The following ADAP1 variants were observed in gnomAD, a reference collection of about 807,000 sequenced individuals.
ADAP1 encodes arf-GAP with dual PH domain-containing protein 1.
A neutral mutation model predicts 54.9 loss-of-function variants in ADAP1; 31 were observed. The ratio of observed to expected loss-of-function variants is 0.56; its 90% CI spans 0.42 to 0.76. The LOEUF is 0.76. Among genes scored for constraint, ADAP1 ranks in the 30% least tolerant of loss-of-function variants. ADAP1 has a pLI of 0.00. For synonymous variants in ADAP1, 313 were observed against 202.6 expected (o/e 1.55, Z -4.63); for missense variants, 535 against 512.4 (o/e 1.04, Z -0.42).
Position 926,215 on chromosome 7 carries a change from GCCCCTCCCGTT to G in ADAP1, c.305+327_305+337del, listed in dbSNP as rs1846381791. On this transcript the variant is annotated intron_variant, in intron 3 of 10. Coordinates refer to ENST00000265846, the MANE Select transcript of ADAP1 (RefSeq NM_006869.4). The surrounding 1 kb of genome is among the most constrained non-coding windows in gnomAD (Gnocchi z 4.6). ...CAGGGCAGGCCCCGAAACAACAGCC[GCCCCTCCCGTT>G]CCCCTCCCAGACCGCCAGGAGCACC... Among the ~76,000 whole-genome samples the G allele has an allele frequency of 6.6e-6, 1 of 151,662 alleles. No homozygotes were observed. Among genetic ancestry groups the G allele is most frequent in the East Asian group, 1.9e-4 (1 of 5,140 alleles).
In ADAP1 at chr7:920,243, A is replaced by C. The variant is rs1205325458; in HGVS notation, c.306-193T>G. Among the ~76,000 whole-genome samples, 1 of 151,888 alleles carries C rather than the reference A, an allele frequency of 6.6e-6. No homozygotes were observed. The highest frequency in any genetic ancestry group is 1.5e-5 in the Non-Finnish European group (1 of 67,954). On this transcript the variant is annotated intron_variant, in intron 3 of 10. Coordinates refer to ENST00000265846, the MANE Select transcript of ADAP1 (RefSeq NM_006869.4). This position sits in a 1 kb window ranked among gnomAD's most constrained non-coding sequence, Gnocchi z 4.5. ...CCTGCCCGGGACGCTTCTCACTCTGATATTAGTTTATTGGTTTCTTGTGCG... is the reference window on the plus strand; with the variant it reads ...CCTGCCCGGGACGCTTCTCACTCTGCTATTAGTTTATTGGTTTCTTGTGCG...
In ADAP1 at chr7:905,431, AGGAGAAAG is replaced by A. The variant is rs1304381755; in HGVS notation, c.389-267_389-260del. ...AGAAAGGGAGAAAGAGAAAGGAGAA[AGGAGAAAG>A]GGAGAAAGGGAGAAAGGGAAAGGAG... On this transcript the variant is annotated intron_variant, in intron 4 of 10. Transcript: ENST00000265846. 5.3e-4 allele frequency: 73 copies of A among 137,372 alleles called. 14 individuals carry two copies. The highest frequency in any genetic ancestry group is 2.0e-3 in the East Asian group (10 of 4,928). The allele number at this position is 137,372 out of a possible 1,614,324, so 8.5% of individuals were successfully genotyped here. A position where few individuals can be genotyped will look rare whatever the true frequency, so the allele number is the denominator to read the frequency against.
intron 4 of ADAP1, among the ~76,000 whole-genome samples, chr7:919,519 C>T (rs117642645): frequency 0.01 from 1,499 of 146,798 alleles, 15 homozygotes; most frequent in Non-Finnish European, 0.014. Flanking sequence ...TCTGTCCACA[C>T]GAGAGGGAGG....
intron 4 of ADAP1, among the ~76,000 whole-genome samples, chr7:919,482 G>A (rs1237360141): frequency 2.0e-5 from 3 of 151,448 alleles, no homozygotes; most frequent in African/African-American, 7.3e-5. Context: ...TCAAACTCAC[G>A]AGTGTGTTAC....
At chr7:900,484 C>T (rs1409741865) in intron 7 of ADAP1, 49 bp downstream of exon 7, 2 of 1,362,842 alleles carry the variant, frequency 1.5e-6, no homozygotes, top group Non-Finnish European at 2.1e-6. Flanking sequence ...CCACCCCCCA[C>T]CCCACCACCC....
chr7:907,686 C>T (rs1168583828), intron 4 of ADAP1, among the ~76,000 whole-genome samples: 1 of 152,208 alleles, frequency 6.6e-6, no homozygotes, highest in African/African-American at 2.4e-5. Context: ...TCTTCTATGG[C>T]CCTGGCTGTC....
rs1435019401 is a variant in ADAP1, at chr7:898,196, C to T, written c.*725G>A. ...CAGCAAGCGCGACAGTGCCCGGGAC[C>T]CCCAGGGCCACTCCTGCCTCTGGTG... On this transcript the variant is annotated 3_prime_UTR_variant, in exon 11 of 11. Transcript: ENST00000265846. 1 of 152,804 alleles carries T rather than the reference C, an allele frequency of 6.5e-6. No homozygotes were observed. The highest frequency in any genetic ancestry group is 2.4e-5 in the African/African-American group (1 of 41,470). 9.5% of individuals were successfully genotyped at this position (152,804 alleles called of 1,614,324 possible).
chr7:918,342 G>C (rs750360026), intron 4 of ADAP1, among the ~76,000 whole-genome samples: 1 of 152,142 alleles, frequency 6.6e-6, no homozygotes, highest in Non-Finnish European at 1.5e-5. Context: ...TCAGCCTCCC[G>C]AGCAGCTGGG....
intron 2 of ADAP1, among the ~76,000 whole-genome samples, chr7:934,219 G>A (rs71518354): frequency 1.7e-3 from 30 of 17,154 alleles, no homozygotes; most frequent in Non-Finnish European, 2.1e-3. Flanking sequence ...AGAGCCGGGG[G>A]CCGGGGTCAG....
At chr7:913,240 G>A (rs150861371) in intron 4 of ADAP1, among the ~76,000 whole-genome samples, 43 of 123,344 alleles carry the variant, frequency 3.5e-4, no homozygotes, top group African/African-American at 1.2e-3. Flanking sequence ...TCGCTCTGTC[G>A]CCCAGGCTGG....
chr7:954,487 G>A lies in ADAP1; in HGVS notation c.-10C>T. 9.8e-7 allele frequency: 1 copy of A among 1,023,482 alleles called. No individual in the cohort carries two copies. The highest frequency in any genetic ancestry group is 1.2e-6 in the Non-Finnish European group (1 of 856,660). The allele number at this position is 1,023,482 out of a possible 1,614,324, so 63.4% of individuals were successfully genotyped here. ...GCCGCTCCTTGGCCATGGCCGCGAT[G>A]CGCCCGCGATGCCGATGCCGGGGCC... is the stretch of plus-strand genomic sequence containing the variant. On this transcript the variant is annotated 5_prime_UTR_variant, in exon 1 of 11. Coordinates refer to ENST00000265846, the MANE Select transcript of ADAP1 (RefSeq NM_006869.4).
In ADAP1 at chr7:908,394, G is replaced by A. The variant is rs544118790; in HGVS notation, c.389-3222C>T. ...GACAGCTGGTGCCCTCGGGGAGGGG[G>A]CCCTGGGCTGTCTTGGATGGTGCCA... is the stretch of plus-strand genomic sequence containing the variant. On this transcript the variant is annotated intron_variant, in intron 4 of 10. Transcript: ENST00000265846. 8.5e-5 allele frequency among the ~76,000 whole-genome samples: 13 copies of A among 152,210 alleles called. No individual in the cohort carries two copies. In the South Asian group the frequency reaches 2.5e-3, roughly 29 times the overall value.
At chr7:913,056 G>T (rs1418564191) in intron 4 of ADAP1, among the ~76,000 whole-genome samples, 2 of 152,152 alleles carry the variant, frequency 1.3e-5, no homozygotes, top group African/African-American at 2.4e-5. Context: ...CGTTGCCCAG[G>T]CTGGTGTTGA....
chr7:904,951 GC>G (rs1247702370), intron 5 of ADAP1, 108 bp downstream of exon 5: 2 of 823,554 alleles, frequency 2.4e-6, no homozygotes, highest in Non-Finnish European at 3.9e-6. Flanking sequence ...ATCGGGGGGG[GC>G]AGCAGGGAGG....
intron 6 of ADAP1, among the ~76,000 whole-genome samples, chr7:903,280 C>T (rs1190601694): frequency 2.6e-5 from 4 of 152,148 alleles, no homozygotes; most frequent in African/African-American, 9.7e-5. Flanking sequence ...GCCAGCGGAG[C>T]ACGGCAGGCA....
intron 3 of ADAP1, among the ~76,000 whole-genome samples, chr7:922,425 C>G (rs900450534): frequency 2.0e-5 from 3 of 152,068 alleles, no homozygotes; most frequent in African/African-American, 7.2e-5. Context: ...TAGGTGTGGA[C>G]TCACAGGGGA....
intron 1 of ADAP1, 117 bp from the exon 2 acceptor site, chr7:935,622 C>T: frequency 1.1e-5 from 14 of 1,325,464 alleles, no homozygotes; most frequent in Non-Finnish European, 1.3e-5. Context: ...TCAGCGGAGA[C>T]CCCCGGGTAC....
Position 898,579 on chromosome 7 carries a change from C to A in ADAP1, c.*342G>T. On this transcript the variant is annotated 3_prime_UTR_variant, in exon 11 of 11. Coordinates refer to ENST00000265846, the MANE Select transcript of ADAP1 (RefSeq NM_006869.4). ...GCTCTGCGCTGAGGCCTGGAAGTTC[C>A]CACAGCCGTGGTGGGCGGCTCCTGG... The A allele has an allele frequency of 2.4e-6, 1 of 409,958 alleles. No homozygotes were observed. Among genetic ancestry groups the A allele is most frequent in the South Asian group, 2.3e-5 (1 of 43,980 alleles). The allele number at this position is 409,958 out of a possible 1,614,324, so 25.4% of individuals were successfully genotyped here.
At chr7:922,967 T>C (rs1356333882) in intron 3 of ADAP1, 1 of 147,628 alleles carries the variant, frequency 6.8e-6, no homozygotes, top group Admixed American at 6.8e-5. Context: ...GTGCCTGTAT[T>C]TGGAAATACC....
Sources: gnomAD v4.1 joint callset for allele counts (sites outside exome capture counted in the v4.1 genomes callset) on GRCh38, gnomAD v4.1.1 for gene constraint, Gnocchi (gnomAD v3.1) non-coding constraint, MANE v1.5 for transcripts, NCBI Gene and HGNC (gene_info 2026-07-23, HGNC 2026-07-21) for gene names.